TNS1: variants seen among roughly 807,000 people sequenced by gnomAD.
TNS1 encodes the protein tensin 1.
Under a neutral mutation model 168.6 loss-of-function variants are expected in TNS1, and 62 were observed. That is an observed-to-expected ratio of 0.37 (90% CI 0.30 to 0.45). The LOEUF is 0.45. TNS1 is among the 20% of genes least tolerant of loss of function. TNS1 has a pLI of 1.00. For synonymous variants in TNS1, 934 were observed against 933.2 expected, an observed-to-expected ratio of 1.00 and a Z score of -0.02; for missense variants, 2,240 against 2,339.4, an observed-to-expected ratio of 0.96 and a Z score of 0.88.
intron 7 of TNS1, 86 bp downstream of exon 7, chr2:217,900,377 G>A: frequency 6.9e-7 from 1 of 1,456,474 alleles, no homozygotes; most frequent in Non-Finnish European, 9.3e-7. Flanking sequence ...GCAGTCCGGG[G>A]GACCCAGAGG....
At chr2:217,890,439 G>A (rs1951626946) in intron 12 of TNS1, 1 of 153,488 alleles carries the variant, frequency 6.5e-6, no homozygotes, top group Non-Finnish European at 1.5e-5. Context: ...TTTGCTGAAT[G>A]AATAAATCCA....
intron 21 of TNS1, among the ~76,000 whole-genome samples, chr2:217,832,368 A>G (rs1944562655): frequency 6.6e-6 from 1 of 152,204 alleles, no homozygotes; most frequent in Non-Finnish European, 1.5e-5. Context: ...GGCCAGATTC[A>G]GAGCTGATCT....
In TNS1 at chr2:217,838,065, T is replaced by C. The variant is rs112120593; in HGVS notation, c.3008-1854A>G. 3.8e-3 allele frequency among the ~76,000 whole-genome samples: 578 copies of C among 152,336 alleles called. 4 individuals are homozygous for C. Among genetic ancestry groups the C allele is most frequent in the Non-Finnish European group, 5.0e-3 (337 of 68,030 alleles). On this transcript the variant is annotated intron_variant, in intron 19 of 32. Coordinates refer to ENST00000682258, the MANE Select transcript of TNS1 (RefSeq NM_001387777.1). ...ATAATTGTGACAGAAGAAGCCCATTTGGGAGACGCTCTTGGGGTTTGGAAC... is the reference window on the plus strand; with the variant it reads ...ATAATTGTGACAGAAGAAGCCCATTCGGGAGACGCTCTTGGGGTTTGGAAC...
At chr2:217,853,272 C>G (rs1947749499) in intron 18 of TNS1, among the ~76,000 whole-genome samples, 1 of 152,114 alleles carries the variant, frequency 6.6e-6, no homozygotes, top group Admixed American at 6.5e-5. Context: ...TTAAGGGAGG[C>G]TGGGGAGGTG....
chr2:217,832,860 C>T (rs946082359), intron 21 of TNS1, among the ~76,000 whole-genome samples: 34 of 152,214 alleles, frequency 2.2e-4, no homozygotes, highest in Non-Finnish European at 1.3e-4. Context: ...TACAAACATA[C>T]ACCTCCAGGT....
intron 3 of TNS1, among the ~76,000 whole-genome samples, chr2:217,932,445 G>A (rs928100132): frequency 2.0e-5 from 3 of 152,160 alleles, no homozygotes; most frequent in Non-Finnish European, 2.9e-5. Flanking sequence ...AATTGTCTGG[G>A]ATACAGAATA....
intron 1 of TNS1, among the ~76,000 whole-genome samples, chr2:218,008,450 C>A (rs912497181): frequency 1.3e-5 from 2 of 152,206 alleles, no homozygotes; most frequent in Non-Finnish European, 2.9e-5. Context: ...TCCTGGCCGG[C>A]CATTTCCCAC....
At chr2:218,016,642 C>T (rs1048726646) in intron 1 of TNS1, among the ~76,000 whole-genome samples, 5 of 152,144 alleles carry the variant, frequency 3.3e-5, no homozygotes, top group African/African-American at 1.2e-4. Context: ...CCAGGGGGAC[C>T]CAGGTCACAC....
intron 17 of TNS1, chr2:217,881,232 G>C (rs1387244714): frequency 1.8e-6 from 1 of 559,318 alleles, no homozygotes; most frequent in African/African-American, 1.9e-5. Flanking sequence ...CTCATGCCGG[G>C]TCATAGGGGT....
At chr2:217,816,837 C>T (rs543307667) in intron 24 of TNS1, among the ~76,000 whole-genome samples, 142 of 151,924 alleles carry the variant, frequency 9.3e-4, no homozygotes, top group Non-Finnish European at 1.7e-3. Context: ...GAGAGTGACG[C>T]CGGGAGAATC....
intron 4 of TNS1, 53 bp from the exon 5 acceptor site, chr2:217,907,304 T>C (rs569308774): frequency 5.0e-5 from 35 of 702,258 alleles, no homozygotes; most frequent in Non-Finnish European, 8.1e-5. Context: ...ATCCCAGGGA[T>C]GGGCTCTCTC....
chr2:217,870,416 C>G (rs972207329), intron 18 of TNS1, among the ~76,000 whole-genome samples: 2 of 152,238 alleles, frequency 1.3e-5, no homozygotes, highest in Admixed American at 1.3e-4. Flanking sequence ...GGGTGCAAAG[C>G]AGCTTTAGGT....
At chr2:217,890,867 C>A in intron 12 of TNS1, 95 bp downstream of exon 12, 1 of 1,390,744 alleles carries the variant, frequency 7.2e-7, no homozygotes, top group Non-Finnish European at 1.0e-6. Flanking sequence ...CCCACCTAGG[C>A]ACAGCTATCC....
At position 217,869,427 on chromosome 2, in the gene TNS1, C is replaced by T. The variant is rs192441705; in HGVS notation, c.1429+11471G>A. Reference sequence around the variant, plus strand: ...TAGTCCAGAAAGAGGACCTTCACCACGGAGGGTTAGATGCTGCTGTGAGCT... The same window carrying T: ...TAGTCCAGAAAGAGGACCTTCACCATGGAGGGTTAGATGCTGCTGTGAGCT... On this transcript the variant is annotated intron_variant, in intron 18 of 32. Transcript: ENST00000682258. Among the ~76,000 whole-genome samples the T allele has an allele frequency of 2.7e-3, 411 of 152,316 alleles. 2 individuals carry two copies. Among genetic ancestry groups the T allele is most frequent in the African/African-American group, 9.3e-3 (385 of 41,580 alleles).
rs1217336378 is a variant in TNS1 at position 217,959,471 on chromosome 2, G to A, written c.186+19294C>T. On this transcript the variant is annotated intron_variant, in intron 3 of 32. Coordinates refer to ENST00000682258, the MANE Select transcript of TNS1 (RefSeq NM_001387777.1). ...TATCTTAGTATGGAAACTTAGCATG[G>A]AACCTAGTGCCTTAGCATGGAATCT... is the stretch of plus-strand genomic sequence containing the variant. Among the ~76,000 whole-genome samples, 3 of 151,696 alleles carry A rather than the reference G, an allele frequency of 2.0e-5. No homozygotes were observed. The East Asian group carries it at 5.9e-4, about 30-fold the overall frequency.
At position 217,804,256 on chromosome 2, in the gene TNS1, TTCTCTCTCTCTC is replaced by T. The variant is rs71403015; in HGVS notation, c.*191_*202del. The T allele has an allele frequency of 3.1e-5, 13 of 416,944 alleles. No homozygotes were observed. Among genetic ancestry groups the T allele is most frequent in the South Asian group, 9.1e-5 (3 of 33,132 alleles). 25.8% of individuals were successfully genotyped at this position (416,944 alleles called of 1,614,324 possible). ...GAATCCAAGTTCTTCTCCTCCATCT[TTCTCTCTCTCTC>T]TCTCTCTCTCTCTCTCTCTCTTTTC... On this transcript the variant is annotated 3_prime_UTR_variant, in exon 33 of 33. Transcript: ENST00000682258.
At chr2:217,911,719 G>A (rs185503532) in intron 4 of TNS1, among the ~76,000 whole-genome samples, 106 of 152,248 alleles carry the variant, frequency 7.0e-4, no homozygotes, top group African/African-American at 2.3e-3. Context: ...ACAGCCAGTC[G>A]GTAGGAGAGC....
At chr2:217,862,103 C>A (rs1559258716) in intron 18 of TNS1, among the ~76,000 whole-genome samples, 1 of 152,142 alleles carries the variant, frequency 6.6e-6, no homozygotes. Flanking sequence ...TTGCCACTTC[C>A]ACCTGCAGAG....
rs1279563465 is a variant in TNS1 at position 218,032,645 on chromosome 2, C to T, written c.156+1175G>A. 2.0e-5 allele frequency among the ~76,000 whole-genome samples: 3 copies of T among 152,150 alleles called. No homozygotes were observed. The highest frequency in any genetic ancestry group is 4.4e-5 in the Non-Finnish European group (3 of 68,014). The stretch of plus-strand genomic sequence containing the variant: ...AGGAGATGTTTATCTGCCCCAAGAA[C>T]GAGGGTATCACCCCTCCTCTAGTGA... On this transcript the variant is annotated intron_variant, in intron 1 of 1. Coordinates refer to the TNS1 transcript ENST00000649572. This position sits in a 1 kb window ranked among gnomAD's most constrained non-coding sequence, Gnocchi z 4.0.
Sources: allele counts gnomAD v4.1 joint callset (sites outside exome capture counted in the v4.1 genomes callset), GRCh38; gene constraint gnomAD v4.1.1; non-coding constraint Gnocchi (gnomAD v3.1); transcripts MANE v1.5; gene names NCBI Gene and HGNC (gene_info 2026-07-23, HGNC 2026-07-21).